Variants in DHRSX observed in about 807,000 individuals in gnomAD.
The protein encoded by DHRSX is polyprenol dehydrogenase.
A neutral mutation model predicts 34.0 loss-of-function variants in DHRSX; 31 were observed. The ratio of observed to expected loss-of-function variants is 0.91; its 90% confidence interval spans 0.69 to 1.23. The LOEUF is 1.23. Among genes scored for constraint, DHRSX ranks in the 50% most tolerant of loss-of-function variants. DHRSX has a pLI of 0.00. For synonymous variants in DHRSX, 201 were observed against 183.8 expected, an observed-to-expected ratio of 1.09 and a Z score of -0.76; for missense variants, 414 against 428.1, an observed-to-expected ratio of 0.97 and a Z score of 0.29.
chrX:2,233,520 T>C (rs2015945495), intron 6 of DHRSX, among the ~76,000 whole-genome samples: 1 of 152,026 alleles, frequency 6.6e-6, no homozygotes, highest in African/African-American at 2.4e-5. Flanking sequence ...TGGGGGGCGC[T>C]GGGGAGACGG....
At chrX:2,490,555 G>T in intron 1 of DHRSX, 1 of 1,614,012 alleles carries the variant, frequency 6.2e-7, no homozygotes, top group Non-Finnish European at 8.5e-7. Flanking sequence ...TTCCGGAGTA[G>T]GCGATCTGGG....
intron 5 of DHRSX, among the ~76,000 whole-genome samples, chrX:2,260,695 A>G (rs1304236166): frequency 6.6e-6 from 1 of 151,966 alleles, no homozygotes; most frequent in Non-Finnish European, 1.5e-5. Context: ...TCCTGACCTC[A>G]GGTGATCTGC....
intron 3 of DHRSX, among the ~76,000 whole-genome samples, chrX:2,350,017 C>A (rs766623047): frequency 1.4e-5 from 2 of 146,262 alleles, no homozygotes; most frequent in Non-Finnish European, 3.0e-5. Flanking sequence ...CCAGCCTGGG[C>A]GACAGAGACT....
chrX:2,313,224 G>C (rs2042185321), intron 3 of DHRSX, among the ~76,000 whole-genome samples: 1 of 151,774 alleles, frequency 6.6e-6, no homozygotes, highest in Non-Finnish European at 1.5e-5. Context: ...GGCTGGTCTT[G>C]AACTACTAGT....
intron 3 of DHRSX, among the ~76,000 whole-genome samples, chrX:2,353,700 C>T (rs1300838045): frequency 4.0e-5 from 6 of 151,682 alleles, no homozygotes; most frequent in African/African-American, 1.5e-4. Flanking sequence ...TCTCCTGCCT[C>T]AGCCCCCTGA....
At position 2,237,050 on chromosome X, in the gene DHRSX, G is replaced by A. The variant is rs139716691; in HGVS notation, c.804+5973C>T. ...CTGAAAATGTAAAAATTAGCCAGGC[G>A]TGCTGGGAGGTAGCTGAGGTCCCAG... On this transcript the variant is annotated intron_variant, in intron 6 of 6. Transcript: ENST00000334651. 2.0e-3 allele frequency among the ~76,000 whole-genome samples: 298 copies of A among 152,040 alleles called. 2 individuals are homozygous for A. Among genetic ancestry groups the A allele is most frequent in the African/African-American group, 6.3e-3 (262 of 41,484 alleles).
intron 6 of DHRSX, among the ~76,000 whole-genome samples, chrX:2,225,205 GCA>G (rs1356009469): frequency 2.9e-5 from 4 of 139,018 alleles, no homozygotes; most frequent in South Asian, 2.3e-4. Context: ...ACATTTGCAT[GCA>G]CATTCACATG....
chrX:2,423,113 CTT>C (rs2043801460), intron 2 of DHRSX, among the ~76,000 whole-genome samples: 1 of 149,420 alleles, frequency 6.7e-6, no homozygotes, highest in South Asian at 2.3e-4. Context: ...GCCAAAATAA[CTT>C]TTTTAAATGA....
intron 5 of DHRSX, among the ~76,000 whole-genome samples, chrX:2,252,380 C>T (rs764361963): frequency 5.4e-4 from 83 of 152,320 alleles, no homozygotes; most frequent in African/African-American, 2.0e-3. Context: ...TTAAGGCAAA[C>T]TTCTCCAATC....
intron 2 of DHRSX, among the ~76,000 whole-genome samples, chrX:2,420,885 T>C (rs1421833934): frequency 6.6e-6 from 1 of 152,168 alleles, no homozygotes; most frequent in South Asian, 2.1e-4. Flanking sequence ...CAACAAGTCA[T>C]TAACTAATCC....
chrX:2,351,392 A>G (rs2042787312), intron 3 of DHRSX, among the ~76,000 whole-genome samples: 1 of 152,206 alleles, frequency 6.6e-6, no homozygotes, highest in Non-Finnish European at 1.5e-5. Flanking sequence ...AAATAAAAAC[A>G]CCTGCTTATA....
chrX:2,358,325 AAC>A (rs923915058), intron 3 of DHRSX, among the ~76,000 whole-genome samples: 1 of 152,162 alleles, frequency 6.6e-6, no homozygotes, highest in African/African-American at 2.4e-5. Context: ...CAAAAATAAA[AAC>A]AAAAAAAATC....
In DHRSX at chrX:2,302,338, G is replaced by A. The variant is rs764838556; in HGVS notation, c.287-10735C>T. Among the ~76,000 whole-genome samples, 5 of 152,264 alleles carry A rather than the reference G, an allele frequency of 3.3e-5. No homozygotes were observed. The South Asian group carries it at 1.0e-3, about 32-fold the overall frequency. On this transcript the variant is annotated intron_variant, in intron 3 of 6. Coordinates refer to ENST00000334651, the MANE Select transcript of DHRSX (RefSeq NM_145177.3). ...GAGAAATACAGTTGGGTGGGCAGGT[G>A]CAGTGGCTCACACCTGTTATCCCAG...
chrX:2,360,397 A>C (rs1308569136), intron 3 of DHRSX, among the ~76,000 whole-genome samples: 2 of 152,152 alleles, frequency 1.3e-5, no homozygotes, highest in Non-Finnish European at 2.9e-5. Context: ...AGCCTGACCA[A>C]CATGGTGAAA....
intron 1 of DHRSX, among the ~76,000 whole-genome samples, chrX:2,432,907 G>C (rs1013697696): frequency 6.6e-6 from 1 of 152,136 alleles, no homozygotes; most frequent in Non-Finnish European, 1.5e-5. Flanking sequence ...GGTATCGCTT[G>C]AGGCCAAAAG....
chrX:2,490,891 C>T, intron 1 of DHRSX: 5 of 872,254 alleles, frequency 5.7e-6, no homozygotes, highest in Non-Finnish European at 5.3e-6. Context: ...GCACTGGGGC[C>T]GGACGGCTGG....
At chrX:2,452,878 A>G (rs1230079196) in intron 1 of DHRSX, among the ~76,000 whole-genome samples, 1 of 152,240 alleles carries the variant, frequency 6.6e-6, no homozygotes, top group African/African-American at 2.4e-5. Context: ...TACAGGATCT[A>G]GTCATCCCAC....
chrX:2,317,795 G>A (rs188375289), intron 3 of DHRSX, among the ~76,000 whole-genome samples: 4 of 152,238 alleles, frequency 2.6e-5, no homozygotes, highest in Admixed American at 2.6e-4. Flanking sequence ...ATAAGACAAA[G>A]TCAACATACA....
intron 4 of DHRSX, among the ~76,000 whole-genome samples, chrX:2,271,181 G>C (rs2041549150): frequency 6.6e-6 from 1 of 152,226 alleles, no homozygotes; most frequent in Non-Finnish European, 1.5e-5. Flanking sequence ...AAGTCAGCGA[G>C]TCTGCGAACC....
Sources: gnomAD v4.1 joint callset for allele counts (sites outside exome capture counted in the v4.1 genomes callset) on GRCh38, gnomAD v4.1.1 for gene constraint, MANE v1.5 for transcripts, NCBI Gene and HGNC (gene_info 2026-07-23, HGNC 2026-07-21) for gene names.